CFAP91: variants seen among roughly 807,000 people sequenced by gnomAD.
The protein encoded by CFAP91 is cilia- and flagella-associated protein 91.
CFAP91 carries 85 observed loss-of-function variants against 95.9 expected under a neutral mutation model. That is an observed-to-expected ratio of 0.89 (90% CI 0.74 to 1.06). CFAP91 has a LOEUF of 1.06. Among genes scored for constraint, CFAP91 ranks in the 50% least tolerant of loss-of-function variants. The pLI is 0.00. For missense variants in CFAP91, 962 were observed against 943.4 expected, an observed-to-expected ratio of 1.02 and a Z score of -0.26; for synonymous variants, 335 against 327.5, an observed-to-expected ratio of 1.02 and a Z score of -0.25.
chr3:119,722,808 A>G (rs2053712652), intron 6 of CFAP91, among the ~76,000 whole-genome samples: 1 of 151,928 alleles, frequency 6.6e-6, no homozygotes, highest in Non-Finnish European at 1.5e-5. Context: ...AATTACATGC[A>G]CGGTAGCAAT....
intron 17 of CFAP91, among the ~76,000 whole-genome samples, chr3:119,763,531 G>T (rs888993272): frequency 2.0e-5 from 3 of 151,916 alleles, no homozygotes; most frequent in Non-Finnish European, 1.5e-5. Context: ...GTTCACTGCA[G>T]CATTAATCAC....
intron 15 of CFAP91, 116 bp from the exon 16 acceptor site, chr3:119,747,695 C>A: frequency 1.2e-6 from 1 of 821,720 alleles, no homozygotes; most frequent in Admixed American, 3.0e-5. Flanking sequence ...ATCACTTAAT[C>A]AAGGAAAAGG....
At position 119,736,426 on chromosome 3, in the gene CFAP91, C is replaced by T. The variant is rs900843860; in HGVS notation, c.1345-940C>T. Among the ~76,000 whole-genome samples, 5 of 152,038 alleles carry T rather than the reference C, an allele frequency of 3.3e-5. No individual in the cohort carries two copies. The East Asian group carries it at 9.7e-4, about 29-fold the overall frequency. ...AGCTGGGACTACAGGCGCCCACCAC[C>T]ACGCCTGGCTAATTTTTTTTTTTGT... On this transcript the variant is annotated intron_variant, in intron 10 of 17. Coordinates refer to ENST00000273390, the MANE Select transcript of CFAP91 (RefSeq NM_033364.4).
intron 7 of CFAP91, among the ~76,000 whole-genome samples, chr3:119,727,406 G>A (rs904835684): frequency 1.3e-5 from 2 of 152,218 alleles, no homozygotes; most frequent in African/African-American, 4.8e-5. Context: ...GGAAAGATAT[G>A]TGTCTTTTCA....
At chr3:119,745,285 C>T (rs1415220537) in intron 14 of CFAP91, among the ~76,000 whole-genome samples, 1 of 152,170 alleles carries the variant, frequency 6.6e-6, no homozygotes, top group Non-Finnish European at 1.5e-5. Flanking sequence ...TATGCTTGCA[C>T]ATAAATTATA....
chr3:119,720,791 T>C (rs2053669514), intron 6 of CFAP91, among the ~76,000 whole-genome samples: 1 of 152,242 alleles, frequency 6.6e-6, no homozygotes, highest in Admixed American at 6.5e-5. Flanking sequence ...AAGTCTCTTA[T>C]GTAAAATGGC....
intron 5 of CFAP91, among the ~76,000 whole-genome samples, chr3:119,713,993 G>C (rs915466497): frequency 6.6e-6 from 1 of 152,104 alleles, no homozygotes; most frequent in African/African-American, 2.4e-5. Context: ...TTAGAAATGA[G>C]ACTTTATGAA....
At chr3:119,746,987 G>A (rs2054232494) in intron 14 of CFAP91, 128 bp from the exon 15 acceptor site, 3 of 665,074 alleles carry the variant, frequency 4.5e-6, no homozygotes, top group South Asian at 3.0e-5. Flanking sequence ...TGAATGATTA[G>A]TGAAGGGACT....
At chr3:119,704,372 G>T (rs568735799) in intron 1 of CFAP91, among the ~76,000 whole-genome samples, 13 of 152,132 alleles carry the variant, frequency 8.5e-5, no homozygotes, top group Non-Finnish European at 1.6e-4. Context: ...CAATCTCGCC[G>T]CTAGTCATGG....
intron 6 of CFAP91, among the ~76,000 whole-genome samples, chr3:119,724,150 A>T (rs534527374): frequency 1.3e-5 from 2 of 150,546 alleles, no homozygotes; most frequent in South Asian, 2.1e-4. Context: ...CCTGGGTGAC[A>T]AGAGCAAGAC....
chr3:119,726,221 C>T lies in CFAP91; in HGVS notation c.733C>T (p.Arg245Cys), dbSNP rs144275264. The change falls in exon 7 of 18, where the codon CGC (arginine) becomes TGC (cysteine). Residue 245 changes from arginine (R) to cysteine (C), a missense_variant. Transcript: ENST00000273390. ...TGAGGTGGAGATGATAGAAAGAGCC[C>T]GCGAGAAGCGTGCTTGGGAAGCCTC... ...QAEVEMIERAREKRAWEASLP... is the reference protein window; with the variant it reads ...QAEVEMIERACEKRAWEASLP... 56 of 1,613,376 alleles carry T rather than the reference C, an allele frequency of 3.5e-5. No individual in the cohort carries two copies. The highest frequency in any genetic ancestry group is 2.0e-4 in the Admixed American group (12 of 59,918).
chr3:119,706,748 A>T (rs1016679879), intron 1 of CFAP91, 61 bp from the exon 2 acceptor site: 1 of 1,259,060 alleles, frequency 7.9e-7, no homozygotes, highest in African/African-American at 1.5e-5. Flanking sequence ...CTTTGCCATT[A>T]TTCTCAGCCT....
intron 17 of CFAP91, among the ~76,000 whole-genome samples, chr3:119,763,351 C>G (rs953014989): frequency 1.3e-5 from 2 of 151,862 alleles, no homozygotes; most frequent in Non-Finnish European, 2.9e-5. Context: ...AAAAGAGAAC[C>G]GTTGCACATT....
At chr3:119,751,899 C>G (rs2054332181) in intron 17 of CFAP91, among the ~76,000 whole-genome samples, 1 of 152,206 alleles carries the variant, frequency 6.6e-6, no homozygotes, top group Admixed American at 6.5e-5. Flanking sequence ...AACATACTCA[C>G]AGAAACTCAA....
At position 119,763,259 on chromosome 3, in the gene CFAP91, A is replaced by T. The variant is rs2054571055; in HGVS notation, c.*2-1793A>T. The stretch of plus-strand genomic sequence containing the variant: ...TAATCGTTCGAGAAATGCAAACAAA[A>T]GCCACAATGTGATATCACCTCATAC... On this transcript the variant is annotated intron_variant, in intron 17 of 17. Transcript: ENST00000273390. Among the ~76,000 whole-genome samples, 3 of 152,246 alleles carry T rather than the reference A, an allele frequency of 2.0e-5. No individual in the cohort carries two copies. The South Asian group carries it at 6.2e-4, about 32-fold the overall frequency.
At position 119,706,824 on chromosome 3, in the gene CFAP91, T is replaced by C; in HGVS notation, c.140T>C (p.Val47Ala). 2 of 1,613,468 alleles carry C rather than the reference T, an allele frequency of 1.2e-6. No homozygotes were observed. Among genetic ancestry groups the C allele is most frequent in the South Asian group, 2.2e-5 (2 of 91,070 alleles). The change falls in exon 2 of 18, where the codon GTG becomes GCG. Residue 47 changes from valine to alanine, a missense_variant. Val to Ala is a moderately conservative substitution (Grantham distance 64, BLOSUM62 0). Transcript: ENST00000273390. Reference protein sequence around the residue: ...YDFLYDPLFIVSSEKDHTQAN... With the variant: ...YDFLYDPLFIASSEKDHTQAN... Reference sequence around the variant, plus strand: ...TATTTTGCAGATCCATTGTTTATTGTGTCAAGTGAGAAAGACCATACACAG... The same window carrying C: ...TATTTTGCAGATCCATTGTTTATTGCGTCAAGTGAGAAAGACCATACACAG...
At chr3:119,733,319 A>T (rs1181126262) in intron 9 of CFAP91, 45 bp from the exon 10 acceptor site, 1 of 1,587,274 alleles carries the variant, frequency 6.3e-7, no homozygotes, top group South Asian at 1.2e-5. Flanking sequence ...TAAAAATAAT[A>T]AACGTAAGCA....
At chr3:119,730,055 T>C (rs566906734) in intron 7 of CFAP91, among the ~76,000 whole-genome samples, 165 bp from the exon 8 acceptor site, 1 of 152,228 alleles carries the variant, frequency 6.6e-6, no homozygotes, top group African/African-American at 2.4e-5. Context: ...TTGAGTTGCC[T>C]CCCCCACGCC....
chr3:119,749,726 C>G (rs1301014843), intron 16 of CFAP91, among the ~76,000 whole-genome samples: 1 of 152,080 alleles, frequency 6.6e-6, no homozygotes, highest in Admixed American at 6.6e-5. Flanking sequence ...ACCTTTTTCT[C>G]TCTGTTCAAA....
Sources: allele counts gnomAD v4.1 joint callset (sites outside exome capture counted in the v4.1 genomes callset), GRCh38; gene constraint gnomAD v4.1.1; transcripts MANE v1.5; gene names NCBI Gene and HGNC (gene_info 2026-07-23, HGNC 2026-07-21).